Variants in XK observed in about 807,000 individuals in gnomAD.
XK encodes X-linked Kx blood group antigen, Kell and VPS13A binding protein, also known as endoplasmic reticulum membrane adapter protein XK.
Under a neutral mutation model 14.0 loss-of-function variants are expected in XK, and 2 were observed. That is an observed-to-expected ratio of 0.14 (90% CI 0.06 to 0.45). The LOEUF is 0.45. XK is among the 20% of genes least tolerant of loss of function. XK has a pLI of 0.98. For synonymous variants in XK, 149 were observed against 147.5 expected, an observed-to-expected ratio of 1.01 and a Z score of -0.08; for missense variants, 235 against 341.5, an observed-to-expected ratio of 0.69 and a Z score of 2.46.
chrX:37,723,099 G>T (rs1190864528), intron 2 of XK, among the ~76,000 whole-genome samples: 1 of 110,984 alleles, frequency 9.0e-6, no homozygotes, highest in African/African-American at 3.3e-5. Context: ...TAATAATAAT[G>T]AAAACAGCAA....
Position 37,686,744 on chromosome X carries a change from G to A in XK, c.245+538G>A, listed in dbSNP as rs531977636. 4.5e-5 allele frequency among the ~76,000 whole-genome samples: 5 copies of A among 111,573 alleles called. No homozygotes were observed. The South Asian group carries it at 1.9e-3, about 43-fold the overall frequency. ...TGCACCATTCTTTTCTCTTGGTGGC[G>A]TTACGAATATTATGGGATATGGAAA... On this transcript the variant is annotated intron_variant, in intron 1 of 2. Transcript: ENST00000378616.
chrX:37,685,987 C>T lies in XK; in HGVS notation c.26C>T (p.Ala9Val). Residue 9 changes from alanine (A) to valine (V), a missense_variant, in exon 1 of 3, where the codon GCG becomes GTG. Physicochemically the swap from Ala to Val is moderately conservative, Grantham distance 64. Coordinates refer to ENST00000378616, the MANE Select transcript of XK (RefSeq NM_021083.4). Reference sequence around the variant, plus strand: ...ATGAAATTCCCGGCCTCGGTGCTGGCGTCCGTGTTCCTGTTCGTGGCCGAG... The same window carrying T: ...ATGAAATTCCCGGCCTCGGTGCTGGTGTCCGTGTTCCTGTTCGTGGCCGAG... The part of the protein sequence containing the change: MKFPASVL[A>V]SVFLFVAETT... The T allele has an allele frequency of 8.3e-7, 1 of 1,207,420 alleles. No homozygotes were observed.
intron 2 of XK, 51 bp downstream of exon 2, chrX:37,694,599 A>G: frequency 8.6e-7 from 1 of 1,167,674 alleles, no homozygotes. Context: ...AATGAGAAGC[A>G]AAATATGCAG....
intron 2 of XK, among the ~76,000 whole-genome samples, chrX:37,701,596 T>TGCTGG (rs1228684869): frequency 8.9e-6 from 1 of 112,816 alleles, no homozygotes; most frequent in African/African-American, 3.2e-5. Context: ...CATTTACTCC[T>TGCTGG]GCTGGGCAGG....
At chrX:37,711,306 C>T (rs937566280) in intron 2 of XK, among the ~76,000 whole-genome samples, 64 of 112,143 alleles carry the variant, frequency 5.7e-4, no homozygotes, top group Non-Finnish European at 1.5e-4. Context: ...ATTCTGTGCA[C>T]GTTGCCAATA....
intron 2 of XK, among the ~76,000 whole-genome samples, chrX:37,707,564 T>C (rs1602151411): frequency 4.2e-5 from 4 of 95,807 alleles, no homozygotes; most frequent in Admixed American, 1.1e-4. Context: ...TCCTCACTTC[T>C]CAGACGGGGC....
intron 2 of XK, among the ~76,000 whole-genome samples, chrX:37,703,075 T>G (rs1471981298): frequency 2.7e-5 from 3 of 112,169 alleles, no homozygotes; most frequent in Non-Finnish European, 5.6e-5. Context: ...ATGTCCATAC[T>G]TATCATAACT....
intron 1 of XK, among the ~76,000 whole-genome samples, chrX:37,690,369 A>C (rs1198244650): frequency 8.9e-6 from 1 of 112,188 alleles, no homozygotes; most frequent in Non-Finnish European, 1.9e-5. Flanking sequence ...TGTGAAGATA[A>C]TGTGGCTTAT....
At chrX:37,695,689 G>A (rs981475702) in intron 2 of XK, among the ~76,000 whole-genome samples, 18 of 112,075 alleles carry the variant, frequency 1.6e-4, no homozygotes, top group Non-Finnish European at 3.0e-4. Flanking sequence ...TTCTGCCTAT[G>A]TTTTAGACTG....
intron 2 of XK, among the ~76,000 whole-genome samples, chrX:37,709,734 A>T (rs1216769466): frequency 8.9e-6 from 1 of 112,280 alleles, no homozygotes; most frequent in African/African-American, 3.2e-5. Flanking sequence ...ATAAGCAGTT[A>T]TTTTTCTGGA....
At chrX:37,697,340 G>A (rs1927322900) in intron 2 of XK, among the ~76,000 whole-genome samples, 1 of 112,277 alleles carries the variant, frequency 8.9e-6, no homozygotes, top group African/African-American at 3.2e-5. Flanking sequence ...CCTGCGTGTG[G>A]TTGGGCCCAT....
At chrX:37,721,796 C>A (rs1333704384) in intron 2 of XK, among the ~76,000 whole-genome samples, 1 of 111,584 alleles carries the variant, frequency 9.0e-6, no homozygotes, top group Non-Finnish European at 1.9e-5. Context: ...TAGAAACTAT[C>A]CAAATGTTTA....
Position 37,728,057 on chromosome X carries a change from G to A in XK, c.930G>A (p.Lys310=). 1 of 1,211,492 alleles carries A rather than the reference G, an allele frequency of 8.3e-7. No homozygotes were observed. Among genetic ancestry groups the A allele is most frequent in the Non-Finnish European group, 1.1e-6 (1 of 895,473 alleles). ...TTGACAGCCCTGACCTCATCAGCAA[G>A]TCCCATAATTGGTACCAGCTACTGG... ...LKIDSPDLIS[K]SHNWYQLLVY... The change falls in exon 3 of 3, where the codon AAG becomes AAA. Residue 310 remains lysine, a synonymous_variant. Transcript: ENST00000378616.
At chrX:37,703,995 G>A (rs1293377234) in intron 2 of XK, among the ~76,000 whole-genome samples, 1 of 112,038 alleles carries the variant, frequency 8.9e-6, no homozygotes, top group Non-Finnish European at 1.9e-5. Context: ...GTATTAAACT[G>A]TGTTATGAAC....
intron 1 of XK, among the ~76,000 whole-genome samples, chrX:37,689,968 C>T (rs1927172148): frequency 9.0e-6 from 1 of 111,408 alleles, no homozygotes; most frequent in Non-Finnish European, 1.9e-5. Flanking sequence ...GAATTCCCCT[C>T]ATTTCTTTTT....
intron 1 of XK, among the ~76,000 whole-genome samples, chrX:37,687,176 CTCTT>C (rs1927095473): frequency 9.9e-6 from 1 of 101,047 alleles, no homozygotes; most frequent in Non-Finnish European, 2.0e-5. Context: ...CTCTCTCTCT[CTCTT>C]TCTCTCTCTC....
At chrX:37,695,996 G>A (rs192405334) in intron 2 of XK, among the ~76,000 whole-genome samples, 3 of 112,295 alleles carry the variant, frequency 2.7e-5, no homozygotes, top group East Asian at 5.5e-4. Context: ...AAGTGGCAGG[G>A]ATACAGCAAG....
intron 1 of XK, among the ~76,000 whole-genome samples, chrX:37,690,657 G>A (rs182936258): frequency 6.1e-4 from 68 of 112,097 alleles, no homozygotes; most frequent in Non-Finnish European, 2.1e-4. Flanking sequence ...GGAACACAGC[G>A]TTGCTCACTG....
chrX:37,687,655 T>G (rs1404852323), intron 1 of XK, among the ~76,000 whole-genome samples: 1 of 110,123 alleles, frequency 9.1e-6, no homozygotes, highest in Non-Finnish European at 1.9e-5. Flanking sequence ...CTACCACGCC[T>G]GGCCATAAAA....
Sources: gnomAD v4.1 joint callset for allele counts (sites outside exome capture counted in the v4.1 genomes callset) on GRCh38, gnomAD v4.1.1 for gene constraint, MANE v1.5 for transcripts, NCBI Gene and HGNC (gene_info 2026-07-23, HGNC 2026-07-21) for gene names.